The following VGLL4 variants were observed in gnomAD, a reference collection of about 807,000 sequenced individuals.
VGLL4 encodes transcription cofactor vestigial-like protein 4.
A neutral mutation model predicts 21.0 loss-of-function variants in VGLL4; 7 were observed. The ratio of observed to expected loss-of-function variants is 0.33; its 90% confidence interval spans 0.19 to 0.63. The LOEUF is 0.63. Ranked by LOEUF, VGLL4 falls within the 20% of genes least tolerant of loss-of-function variation. The pLI is 0.78. For synonymous variants in VGLL4, 222 were observed against 173.2 expected, an observed-to-expected ratio of 1.28 and a Z score of -2.21; for missense variants, 394 against 425.7, an observed-to-expected ratio of 0.93 and a Z score of 0.66.
chr3:11,687,170 C>CTCTTTT (rs1196235421), intron 2 of VGLL4, among the ~76,000 whole-genome samples: 1 of 152,112 alleles, frequency 6.6e-6, no homozygotes, highest in Non-Finnish European at 1.5e-5. Flanking sequence ...CCCTCCCCAC[C>CTCTTTT]TCTTATCTTT....
At chr3:11,685,481 G>A (rs1389129903) in intron 2 of VGLL4, among the ~76,000 whole-genome samples, 12 of 152,192 alleles carry the variant, frequency 7.9e-5, no homozygotes, top group African/African-American at 2.2e-4. Context: ...ACAGGTGTGA[G>A]CCACCAGGCC....
At chr3:11,661,301 CACAG>C (rs948859143) in intron 2 of VGLL4, among the ~76,000 whole-genome samples, 7 of 152,044 alleles carry the variant, frequency 4.6e-5, no homozygotes, top group Admixed American at 1.3e-4. Flanking sequence ...AAGGCTCCAT[CACAG>C]ACAATGCAAA....
intron 2 of VGLL4, among the ~76,000 whole-genome samples, chr3:11,694,637 AAGGAC>A (rs2076579010): frequency 6.6e-6 from 1 of 152,096 alleles, no homozygotes; most frequent in Non-Finnish European, 1.5e-5. Flanking sequence ...AAAAAGAAAA[AAGGAC>A]AGAGACAAAC....
At chr3:11,664,204 C>T (rs1211431544) in intron 2 of VGLL4, among the ~76,000 whole-genome samples, 1 of 152,174 alleles carries the variant, frequency 6.6e-6, no homozygotes, top group Non-Finnish European at 1.5e-5. Flanking sequence ...CACCACTGCA[C>T]TCCAGCCTGG....
intron 2 of VGLL4, among the ~76,000 whole-genome samples, chr3:11,691,432 C>T (rs746804552): frequency 1.2e-4 from 18 of 152,046 alleles, no homozygotes; most frequent in Non-Finnish European, 2.2e-4. Context: ...TAACAACTGG[C>T]TCTCTATAGA....
chr3:11,581,702 G>A (rs1411788687), intron 2 of VGLL4, among the ~76,000 whole-genome samples: 1 of 152,232 alleles, frequency 6.6e-6, no homozygotes, highest in Admixed American at 6.5e-5. Context: ...TCCATGGAGA[G>A]AAGTGGTCAA....
chr3:11,620,005 G>A (rs1017371172), intron 1 of VGLL4, among the ~76,000 whole-genome samples: 2 of 151,826 alleles, frequency 1.3e-5, no homozygotes, highest in African/African-American at 4.8e-5. Flanking sequence ...GTTAGTGGTG[G>A]CAGCACCTGC....
chr3:11,696,184 G>A (rs533541662), intron 2 of VGLL4, among the ~76,000 whole-genome samples: 15 of 152,242 alleles, frequency 9.9e-5, no homozygotes, highest in African/African-American at 3.6e-4. Context: ...GACTCCAAGG[G>A]GAATGGGCAG....
intron 2 of VGLL4, among the ~76,000 whole-genome samples, chr3:11,694,646 G>T (rs1164962568): frequency 6.6e-6 from 1 of 151,832 alleles, no homozygotes; most frequent in African/African-American, 2.4e-5. Context: ...AAAGGACAGA[G>T]ACAAACCCAA....
intron 2 of VGLL4, among the ~76,000 whole-genome samples, chr3:11,664,160 C>T (rs1287978016): frequency 1.3e-5 from 2 of 152,132 alleles, no homozygotes; most frequent in African/African-American, 2.4e-5. Context: ...ATAGCTTGAA[C>T]CCGGGAGGCG....
At chr3:11,576,113 G>C (rs1200624970) in intron 2 of VGLL4, among the ~76,000 whole-genome samples, 1 of 152,188 alleles carries the variant, frequency 6.6e-6, no homozygotes, top group South Asian at 2.1e-4. Context: ...GAACATGACC[G>C]GTAAAGCATC....
intron 2 of VGLL4, among the ~76,000 whole-genome samples, chr3:11,690,382 T>C (rs938575504): frequency 6.6e-6 from 1 of 152,218 alleles, no homozygotes; most frequent in Admixed American, 6.5e-5. Flanking sequence ...GCTGGATGCA[T>C]GTGTTCAGTC....
At chr3:11,586,478 G>A (rs2074364431) in intron 2 of VGLL4, among the ~76,000 whole-genome samples, 1 of 152,210 alleles carries the variant, frequency 6.6e-6, no homozygotes, top group Non-Finnish European at 1.5e-5. Context: ...TGCATCCACA[G>A]ATTCAACCGA....
At chr3:11,629,855 C>G (rs1057118738) in intron 1 of VGLL4, among the ~76,000 whole-genome samples, 1 of 151,838 alleles carries the variant, frequency 6.6e-6, no homozygotes, top group Non-Finnish European at 1.5e-5. Context: ...GTTGGCAAAC[C>G]AGAAGATAAA....
intron 2 of VGLL4, among the ~76,000 whole-genome samples, chr3:11,596,310 G>T (rs182392151): frequency 6.6e-6 from 1 of 152,188 alleles, no homozygotes; most frequent in Non-Finnish European, 1.5e-5. Context: ...GGAGAAAAGG[G>T]AAAGTAACTC....
At chr3:11,637,488 G>A (rs980362341) in intron 1 of VGLL4, among the ~76,000 whole-genome samples, 6 of 152,082 alleles carry the variant, frequency 3.9e-5, no homozygotes, top group Non-Finnish European at 5.9e-5. Context: ...AGTTTGGAAC[G>A]ATCCTATGCA....
intron 1 of VGLL4, among the ~76,000 whole-genome samples, chr3:11,708,554 G>A (rs780483147): frequency 5.3e-5 from 8 of 151,222 alleles, no homozygotes; most frequent in African/African-American, 1.5e-4. Flanking sequence ...CTGCAACACC[G>A]ATATTTTATT....
chr3:11,710,724 C>T (rs2076830530), intron 1 of VGLL4, among the ~76,000 whole-genome samples: 1 of 152,166 alleles, frequency 6.6e-6, no homozygotes, highest in Non-Finnish European at 1.5e-5. Flanking sequence ...TTGGTTTCAG[C>T]TAATAATATA....
In VGLL4 at chr3:11,693,398, AC is replaced by A. The variant is rs1373948735; in HGVS notation, c.64+9572del. Reference sequence around the variant, plus strand: ...GCCCACCATATGCACCAAATGGTAGACGATTGGAATACAAAAGCAGAAGGGA... The same window carrying A: ...GCCCACCATATGCACCAAATGGTAGAGATTGGAATACAAAAGCAGAAGGGA... On this transcript the variant is annotated intron_variant, in intron 2 of 5. Coordinates refer to the VGLL4 transcript ENST00000273038. Among the ~76,000 whole-genome samples, 68 of 152,298 alleles carry A rather than the reference AC, an allele frequency of 4.5e-4. 1 individual carries two copies. In the East Asian group the frequency reaches 0.011, roughly 25 times the overall value.
Sources: allele counts gnomAD v4.1 joint callset (sites outside exome capture counted in the v4.1 genomes callset), GRCh38; gene constraint gnomAD v4.1.1; transcripts MANE v1.5; gene names NCBI Gene and HGNC (gene_info 2026-07-23, HGNC 2026-07-21).